The following COMMD10 variants were observed in gnomAD, a reference collection of about 807,000 sequenced individuals.
COMMD10 encodes COMM domain containing 10, also known as COMM domain-containing protein 10.
In COMMD10, 33 loss-of-function variants were observed where a neutral mutation model predicts 28.9. The observed-to-expected ratio is 1.14, with a 90% CI of 0.87 to 1.53. COMMD10 has a LOEUF of 1.53. Ranked by LOEUF, COMMD10 falls within the 40% of genes most tolerant of loss-of-function variation. The pLI is 0.00. For missense variants in COMMD10, 310 were observed against 233.4 expected (o/e 1.33, Z -2.14); for synonymous variants, 110 against 81.7 (o/e 1.35, Z -1.87).
intron 5 of COMMD10, among the ~76,000 whole-genome samples, chr5:116,205,755 T>A (rs1204924557): frequency 6.6e-6 from 1 of 152,160 alleles, no homozygotes; most frequent in Non-Finnish European, 1.5e-5. Context: ...AAATAAGTTG[T>A]TATAACAGTT....
intron 4 of COMMD10, among the ~76,000 whole-genome samples, chr5:116,098,879 T>A (rs1254503882): frequency 6.6e-6 from 1 of 152,202 alleles, no homozygotes; most frequent in East Asian, 1.9e-4. Flanking sequence ...ATGTGATGAT[T>A]TGATAGCTGT....
At chr5:116,228,275 G>A (rs1011453327) in intron 5 of COMMD10, among the ~76,000 whole-genome samples, 7 of 151,772 alleles carry the variant, frequency 4.6e-5, no homozygotes, top group African/African-American at 7.3e-5. Flanking sequence ...GAAATATAGT[G>A]CAACGTCAGC....
intron 5 of COMMD10, among the ~76,000 whole-genome samples, chr5:116,192,505 CTT>C (rs905208383): frequency 1.3e-5 from 2 of 151,994 alleles, no homozygotes; most frequent in Non-Finnish European, 2.9e-5. Flanking sequence ...TTTGGACAAA[CTT>C]ATAGAAATGT....
At chr5:116,210,398 ATCTTTT>A (rs1748930726) in intron 5 of COMMD10, among the ~76,000 whole-genome samples, 1 of 151,834 alleles carries the variant, frequency 6.6e-6, no homozygotes, top group Admixed American at 6.6e-5. Context: ...GTGTTTATAG[ATCTTTT>A]TCTTAGGAAG....
intron 4 of COMMD10, among the ~76,000 whole-genome samples, chr5:116,097,742 G>T (rs1481333615): frequency 2.0e-5 from 3 of 152,250 alleles, no homozygotes; most frequent in Non-Finnish European, 4.4e-5. Context: ...GAGGCCTCAG[G>T]AAACTTACAG....
At chr5:116,234,918 G>C (rs1749622702) in intron 5 of COMMD10, among the ~76,000 whole-genome samples, 1 of 152,170 alleles carries the variant, frequency 6.6e-6, no homozygotes, top group African/African-American at 2.4e-5. Context: ...CCGCCACTTA[G>C]AAAAGAGTTG....
At chr5:116,149,928 G>T (rs1209827590) in intron 5 of COMMD10, among the ~76,000 whole-genome samples, 4 of 152,034 alleles carry the variant, frequency 2.6e-5, no homozygotes, top group South Asian at 2.1e-4. Context: ...TGAAGTCGTT[G>T]CCCATGCCTA....
At chr5:116,087,998 A>G (rs189706285) in intron 2 of COMMD10, among the ~76,000 whole-genome samples, 98 of 152,306 alleles carry the variant, frequency 6.4e-4, no homozygotes, top group African/African-American at 2.3e-3. Flanking sequence ...GGTATTTTCT[A>G]TCAACTGGTA....
intron 5 of COMMD10, among the ~76,000 whole-genome samples, chr5:116,177,469 C>G (rs1432201186): frequency 6.6e-6 from 1 of 151,964 alleles, no homozygotes; most frequent in African/African-American, 2.4e-5. Flanking sequence ...AACCTAGTGT[C>G]ATTTTTCTAA....
chr5:116,153,556 A>G (rs916098972), intron 5 of COMMD10, among the ~76,000 whole-genome samples: 15 of 152,132 alleles, frequency 9.9e-5, no homozygotes, highest in Non-Finnish European at 1.6e-4. Context: ...TTATTGACCA[A>G]TTAATATGTG....
chr5:116,238,016 T>G (rs1749719305), intron 5 of COMMD10, among the ~76,000 whole-genome samples: 1 of 152,154 alleles, frequency 6.6e-6, no homozygotes, highest in Non-Finnish European at 1.5e-5. Flanking sequence ...GTATTTTGTT[T>G]TGAATAAATT....
intron 5 of COMMD10, among the ~76,000 whole-genome samples, chr5:116,141,166 C>A (rs1213239290): frequency 2.6e-5 from 4 of 151,318 alleles, no homozygotes; most frequent in Non-Finnish European, 5.9e-5. Flanking sequence ...TTCCCAGCAC[C>A]ATTTATTAAA....
chr5:116,100,700 A>T (rs1379370836), intron 4 of COMMD10, among the ~76,000 whole-genome samples: 1 of 152,038 alleles, frequency 6.6e-6, no homozygotes, highest in East Asian at 1.9e-4. Flanking sequence ...TGACATTAAT[A>T]GCTTTTTGCA....
At chr5:116,107,309 T>C (rs1013288830) in intron 4 of COMMD10, among the ~76,000 whole-genome samples, 9 of 152,186 alleles carry the variant, frequency 5.9e-5, no homozygotes, top group African/African-American at 2.2e-4. Flanking sequence ...CACTTTGAGG[T>C]ACACCAATCA....
intron 5 of COMMD10, among the ~76,000 whole-genome samples, chr5:116,179,481 A>C (rs1225478211): frequency 6.6e-6 from 1 of 152,072 alleles, no homozygotes; most frequent in Non-Finnish European, 1.5e-5. Flanking sequence ...GGCTTGATTC[A>C]AAGCATGTAG....
chr5:116,191,206 G>A (rs1050282846), intron 5 of COMMD10, among the ~76,000 whole-genome samples: 1 of 152,110 alleles, frequency 6.6e-6, no homozygotes, highest in Admixed American at 6.5e-5. Flanking sequence ...CAGGAGGGTG[G>A]CCAGAGGAGC....
chr5:116,152,151 A>T (rs1580494367), intron 5 of COMMD10, among the ~76,000 whole-genome samples: 1 of 152,128 alleles, frequency 6.6e-6, no homozygotes, highest in South Asian at 2.1e-4. Flanking sequence ...TTCAGTTTCC[A>T]TGTAGTTGAG....
chr5:116,141,273 C>G (rs1324768462), intron 5 of COMMD10, among the ~76,000 whole-genome samples: 1 of 151,452 alleles, frequency 6.6e-6, no homozygotes, highest in African/African-American at 2.4e-5. Context: ...TATAGTATTC[C>G]TTTTGTCTGT....
chr5:116,239,170 T>A (rs891218279), intron 5 of COMMD10, among the ~76,000 whole-genome samples: 3 of 152,204 alleles, frequency 2.0e-5, no homozygotes, highest in Non-Finnish European at 4.4e-5. Context: ...ATTCCTATAC[T>A]AAAATAACTC....
Sources: allele counts gnomAD v4.1 joint callset (sites outside exome capture counted in the v4.1 genomes callset), GRCh38; gene constraint gnomAD v4.1.1; transcripts MANE v1.5; gene names NCBI Gene and HGNC (gene_info 2026-07-23, HGNC 2026-07-21).